ZNF732: variants seen among roughly 807,000 people sequenced by gnomAD.
ZNF732 encodes the protein zinc finger protein LOC654254.
ZNF732 carries 12 observed loss-of-function variants against 11.5 expected under a neutral mutation model. That is an observed-to-expected ratio of 1.05 (90% CI 0.67 to 1.70). The LOEUF (loss-of-function observed/expected upper bound fraction) is 1.70. ZNF732 is among the 40% of genes most tolerant of loss of function. The pLI is 0.00. For missense variants in ZNF732, 702 were observed against 676.9 expected (o/e 1.04, Z -0.41); for synonymous variants, 231 against 236.5 (o/e 0.98, Z 0.21).
intron 3 of ZNF732, among the ~76,000 whole-genome samples, chr4:287,388 T>A (rs962043686): frequency 6.6e-6 from 1 of 151,604 alleles, no homozygotes; most frequent in South Asian, 2.1e-4. Flanking sequence ...CTAATTTTTG[T>A]ATTTTTAGTA....
At chr4:282,453 T>C (rs1719637421) in intron 3 of ZNF732, among the ~76,000 whole-genome samples, 1 of 152,182 alleles carries the variant, frequency 6.6e-6, no homozygotes, top group Non-Finnish European at 1.5e-5. Flanking sequence ...AACCTAGCAC[T>C]CTGGGAGGCC....
intron 3 of ZNF732, among the ~76,000 whole-genome samples, chr4:274,870 T>C (rs73791809): frequency 2.0e-5 from 3 of 151,752 alleles, no homozygotes; most frequent in East Asian, 1.9e-4. Flanking sequence ...TACGTTAATA[T>C]GTGTGTGTGT....
intron 1 of ZNF732, among the ~76,000 whole-genome samples, chr4:300,617 C>G (rs1720097407): frequency 6.6e-6 from 1 of 152,048 alleles, no homozygotes; most frequent in Non-Finnish European, 1.5e-5. Flanking sequence ...ACTTGTATTT[C>G]TCAGATAAAA....
In ZNF732 at chr4:295,517, G is replaced by C; in HGVS notation, c.147C>G (p.Asn49Lys). The change falls in exon 3 of 4, where the codon AAC becomes AAG. Residue 49 changes from asparagine to lysine, a missense_variant. Asn to Lys is a moderately conservative substitution (Grantham distance 94). Transcript: ENST00000419098. ...NLISLGVAISNPDLVIYLEQR... is the reference protein window; with the variant it reads ...NLISLGVAISKPDLVIYLEQR... ...GCTCCAGATAGATGACCAGGTCTGG[G>C]TTAGAGATAGCAACACCTGTTTATT... The C allele has an allele frequency of 1.2e-6, 2 of 1,612,440 alleles. No individual in the cohort carries two copies. The highest frequency in any genetic ancestry group is 1.3e-5 in the African/African-American group (1 of 74,992).
At chr4:274,224 CAA>C (rs1393530553) in intron 3 of ZNF732, among the ~76,000 whole-genome samples, 2 of 151,446 alleles carry the variant, frequency 1.3e-5, no homozygotes, top group African/African-American at 2.4e-5. Flanking sequence ...TACACAACAA[CAA>C]TATGATTACT....
rs1553842223 is a variant in ZNF732, at chr4:296,060, C to A, written c.99G>T (p.Met33Ile). Residue 33 changes from methionine (M) to isoleucine (I), a missense_variant, in exon 2 of 4, where the codon ATG becomes ATT. By Grantham distance (10) the Met-to-Ile change is conservative (BLOSUM62 1). This residue lies in a region of ZNF732 where 596 missense variants were observed against 557.9 expected (regional missense o/e 1.07). Transcript: ENST00000419098. ...AGATCAGGTTCCTGTAGTTCTCCAA[C>A]ATCACATCTCTATACAAATTCTGCT... is the stretch of plus-strand genomic sequence containing the variant. Reference protein sequence around the residue: ...PAQQNLYRDVMLENYRNLISL... With the variant: ...PAQQNLYRDVILENYRNLISL... 1.9e-6 allele frequency: 3 copies of A among 1,613,826 alleles called. No individual in the cohort carries two copies. The East Asian group carries it at 6.7e-5, about 36-fold the overall frequency.
intron 3 of ZNF732, among the ~76,000 whole-genome samples, chr4:291,705 T>G (rs1445085027): frequency 6.6e-6 from 1 of 152,208 alleles, no homozygotes; most frequent in African/African-American, 2.4e-5. Context: ...TTTTTCACAG[T>G]AATAGTAAAC....
At chr4:298,161 G>A (rs9994510) in intron 1 of ZNF732, among the ~76,000 whole-genome samples, 2,210 of 152,216 alleles carry the variant, frequency 0.015, 64 homozygotes, top group African/African-American at 0.051. Flanking sequence ...TCAATTAATA[G>A]TCATTCAGGT....
Position 271,854 on chromosome 4 carries a change from T to G in ZNF732, c.1003A>C (p.Thr335Pro). The G allele has an allele frequency of 6.2e-7, 1 of 1,613,722 alleles. No homozygotes were observed. Among genetic ancestry groups the G allele is most frequent in the Non-Finnish European group, 8.5e-7 (1 of 1,179,862 alleles). The change falls in exon 4 of 4, where the codon ACA becomes CCA. Residue 335 changes from threonine to proline, a missense_variant. Transcript: ENST00000419098. ...NRIHTGEKPY[T>P]CEECGKAFSR... Reference sequence around the variant, plus strand: ...AAGGCTTTGCCACATTCTTCACATGTGTAGGGTTTCTCTCCAGTATGAATT... The same window carrying G: ...AAGGCTTTGCCACATTCTTCACATGGGTAGGGTTTCTCTCCAGTATGAATT...
chr4:293,251 T>TATAC (rs1553841640), intron 3 of ZNF732, among the ~76,000 whole-genome samples: 2 of 147,094 alleles, frequency 1.4e-5, no homozygotes, highest in African/African-American at 5.0e-5. Flanking sequence ...TGTGTATATA[T>TATAC]ATATACACAT....
At chr4:287,886 G>A (rs1167198883) in intron 3 of ZNF732, among the ~76,000 whole-genome samples, 2 of 151,926 alleles carry the variant, frequency 1.3e-5, no homozygotes, top group Non-Finnish European at 2.9e-5. Context: ...TCAGGTGGTT[G>A]CATCACTTTT....
At position 284,910 on chromosome 4, in the gene ZNF732, C is replaced by G. The variant is rs1452907462; in HGVS notation, c.226+10528G>C. ...AAAAAAAAAGAAGAAGAAAAAGAAACAAACAAAAAACAAAAAAGATAAAAG... is the reference window on the plus strand; with the variant it reads ...AAAAAAAAAGAAGAAGAAAAAGAAAGAAACAAAAAACAAAAAAGATAAAAG... On this transcript the variant is annotated intron_variant, in intron 3 of 3. Coordinates refer to ENST00000419098, the MANE Select transcript of ZNF732 (RefSeq NM_001137608.3). 1.8e-3 allele frequency among the ~76,000 whole-genome samples: 225 copies of G among 124,820 alleles called. 1 individual carries two copies. The highest frequency in any genetic ancestry group is 3.8e-3 in the East Asian group (17 of 4,468). The allele number at this position is 124,820 out of a possible 152,430, so 81.9% of individuals were successfully genotyped here.
At chr4:284,667 T>C (rs1719690186) in intron 3 of ZNF732, among the ~76,000 whole-genome samples, 1 of 151,188 alleles carries the variant, frequency 6.6e-6, no homozygotes, top group African/African-American at 2.4e-5. Flanking sequence ...GATCAGGCAA[T>C]CAAGACCAGC....
In ZNF732 at chr4:272,148, T is replaced by C. The variant is rs531006286; in HGVS notation, c.709A>G (p.Asn237Asp). The C allele has an allele frequency of 2.5e-6, 4 of 1,613,202 alleles. No individual in the cohort carries two copies. In the African/African-American group the frequency reaches 5.3e-5, roughly 22 times the overall value. The change falls in exon 4 of 4, where the codon AAC becomes GAC. Residue 237 changes from asparagine (N) to aspartate (D), a missense_variant. Physicochemically the swap from Asn to Asp is conservative, Grantham distance 23. Coordinates refer to ENST00000419098, the MANE Select transcript of ZNF732 (RefSeq NM_001137608.3). ...GTATGAACTTTATGTTTAGCAAAGT[T>C]TGAGGATGTGGTAAAGATGTTGCCA... ...ECGNIFTTSS[N>D]FAKHKVHTGE... is the part of the protein sequence containing the mutation.
intron 3 of ZNF732, among the ~76,000 whole-genome samples, chr4:283,330 T>C (rs1280937008): frequency 6.6e-6 from 1 of 152,106 alleles, no homozygotes; most frequent in African/African-American, 2.4e-5. Flanking sequence ...ACTCGCGAAA[T>C]GTCTGAATAG....
chr4:279,440 C>T (rs1247197504), intron 3 of ZNF732, among the ~76,000 whole-genome samples: 3 of 124,676 alleles, frequency 2.4e-5, no homozygotes, highest in Admixed American at 1.7e-4. Flanking sequence ...AGCGAGACTC[C>T]GTCTCAAAAA....
chr4:297,235 TC>T (rs1414136480), intron 1 of ZNF732, among the ~76,000 whole-genome samples: 1 of 147,604 alleles, frequency 6.8e-6, no homozygotes, highest in Non-Finnish European at 1.5e-5. Context: ...GCCACTGCAC[TC>T]CGCCTGGGCG....
chr4:284,870 C>CAAAAA (rs1163209652), intron 3 of ZNF732, among the ~76,000 whole-genome samples: 13 of 54,786 alleles, frequency 2.4e-4, no homozygotes, highest in African/African-American at 4.4e-4. Context: ...GACTCTGTCT[C>CAAAAA]AAAAAAAAAA....
chr4:292,102 G>A (rs1560162270), intron 3 of ZNF732, among the ~76,000 whole-genome samples: 1 of 152,018 alleles, frequency 6.6e-6, no homozygotes, highest in Non-Finnish European at 1.5e-5. Flanking sequence ...AAAAACCTTA[G>A]AACTCCCGAA....
Sources: gnomAD v4.1 joint callset for allele counts (sites outside exome capture counted in the v4.1 genomes callset) on GRCh38, gnomAD v4.1.1 for gene constraint, gnomAD v4.1.1 regional missense constraint, MANE v1.5 for transcripts, NCBI Gene and HGNC (gene_info 2026-07-23, HGNC 2026-07-21) for gene names.